FLVCR2: variants seen among roughly 807,000 people sequenced by gnomAD.
The protein encoded by FLVCR2 is FLVCR choline and putative heme transporter 2.
A neutral mutation model predicts 48.9 loss-of-function variants in FLVCR2; 38 were observed. That is an observed-to-expected ratio of 0.78 (90% CI 0.60 to 1.02). The LOEUF (loss-of-function observed/expected upper bound fraction) is 1.02. Among genes scored for constraint, FLVCR2 ranks in the 50% least tolerant of loss-of-function variants. The pLI is 0.00. For synonymous variants in FLVCR2, 255 were observed against 257.0 expected, an observed-to-expected ratio of 0.99 and a Z score of 0.07; for missense variants, 664 against 663.3, an observed-to-expected ratio of 1.00 and a Z score of -0.01.
At chr14:75,640,611 G>A (rs1488790829) in intron 6 of FLVCR2, 1 of 369,430 alleles carries the variant, frequency 2.7e-6, no homozygotes, top group African/African-American at 2.1e-5. Flanking sequence ...CACAGGGCCT[G>A]TGTACCCAGG....
intron 3 of FLVCR2, among the ~76,000 whole-genome samples, chr14:75,626,777 C>T (rs189311892): frequency 6.6e-6 from 1 of 151,986 alleles, no homozygotes; most frequent in Non-Finnish European, 1.5e-5. Context: ...CTCAGGATTC[C>T]ATGACTCTAA....
chr14:75,637,836 C>T (rs1230688402), intron 5 of FLVCR2, among the ~76,000 whole-genome samples: 1 of 151,928 alleles, frequency 6.6e-6, no homozygotes, highest in African/African-American at 2.4e-5. Context: ...TATGCCCTGC[C>T]TTAGGTAGTG....
intron 3 of FLVCR2, chr14:75,631,857 G>C: frequency 2.2e-6 from 1 of 455,972 alleles, no homozygotes; most frequent in South Asian, 1.5e-5. Context: ...TGGGAATGCT[G>C]CTTGAATGAG....
intron 1 of FLVCR2, among the ~76,000 whole-genome samples, chr14:75,606,704 C>T (rs1005671719): frequency 1.3e-5 from 2 of 152,162 alleles, no homozygotes; most frequent in African/African-American, 4.8e-5. Flanking sequence ...ATAATCCCAG[C>T]CCTTTGGGAG....
chr14:75,581,137 G>A (rs1888593367), intron 1 of FLVCR2, among the ~76,000 whole-genome samples: 1 of 152,170 alleles, frequency 6.6e-6, no homozygotes, highest in Non-Finnish European at 1.5e-5. Context: ...GGGGTTGTTA[G>A]AAGAAACATT....
At chr14:75,590,916 C>G (rs938372695) in intron 1 of FLVCR2, among the ~76,000 whole-genome samples, 5 of 152,234 alleles carry the variant, frequency 3.3e-5, no homozygotes, top group Non-Finnish European at 7.3e-5. Flanking sequence ...ACACTTGTTT[C>G]AGCATCAACT....
chr14:75,634,932 G>T lies in FLVCR2; in HGVS notation c.1043G>T (p.Arg348Ile). The change falls in exon 5 of 10, where the codon AGA (arginine) becomes ATA (isoleucine). Residue 348 changes from arginine (R) to isoleucine (I), a missense_variant. Coordinates refer to ENST00000238667, the MANE Select transcript of FLVCR2 (RefSeq NM_017791.3). ...HYPGEEVNAG[R>I]IGLTIVIAGM... The stretch of plus-strand genomic sequence containing the variant: ...CAGGGGGAAGAAGTGAATGCTGGAA[G>T]AATTGGCCTGACGATCGTCATTGCA... 1 of 1,613,930 alleles carries T rather than the reference G, an allele frequency of 6.2e-7. No individual in the cohort carries two copies. Among genetic ancestry groups the T allele is most frequent in the Non-Finnish European group, 8.5e-7 (1 of 1,179,822 alleles).
At chr14:75,581,853 C>T (rs1169033354) in intron 1 of FLVCR2, among the ~76,000 whole-genome samples, 2 of 152,086 alleles carry the variant, frequency 1.3e-5, no homozygotes, top group African/African-American at 2.4e-5. Flanking sequence ...GGATAGATTT[C>T]CATGATGGAA....
Position 75,641,060 on chromosome 14 carries a change from G to A in FLVCR2, c.1341G>A (p.Gln447=). 6.2e-7 allele frequency: 1 copy of A among 1,611,230 alleles called. No individual in the cohort carries two copies. The highest frequency in any genetic ancestry group is 8.5e-7 in the Non-Finnish European group (1 of 1,177,374). ...CCGGCCTCCTCAACATATCTGCACA[G>A]GTAGAGCTCGTATTTCCTGTTTGTT... ...ISSGLLNISA[Q]VFGIIFTISQ... The change falls in exon 7 of 10, where the codon CAG becomes CAA. Residue 447 remains glutamine (Q), a splice_region_variant and synonymous_variant. Transcript: ENST00000238667.
chr14:75,597,908 C>T (rs978924056), intron 1 of FLVCR2, among the ~76,000 whole-genome samples: 4 of 151,872 alleles, frequency 2.6e-5, no homozygotes, highest in Non-Finnish European at 4.4e-5. Context: ...AAATAAGGCT[C>T]GTGATCAGAC....
At chr14:75,605,801 C>G (rs370240449) in intron 1 of FLVCR2, 1 of 620,134 alleles carries the variant, frequency 1.6e-6, no homozygotes, top group Non-Finnish European at 2.8e-6. Flanking sequence ...CTGCCAGCTC[C>G]GGAAAAGAGG....
At chr14:75,642,726 T>C (rs1479959773) in intron 9 of FLVCR2, among the ~76,000 whole-genome samples, 2 of 152,234 alleles carry the variant, frequency 1.3e-5, no homozygotes, top group African/African-American at 4.8e-5. Context: ...TTTGCATTGA[T>C]TGCTGCATGT....
At chr14:75,637,656 G>A (rs530815219) in intron 5 of FLVCR2, among the ~76,000 whole-genome samples, 1 of 151,516 alleles carries the variant, frequency 6.6e-6, no homozygotes, top group African/African-American at 2.4e-5. Flanking sequence ...GTGAACCTGG[G>A]AGGCGGAGCT....
In FLVCR2 at chr14:75,642,094, T is replaced by C; in HGVS notation, c.1509+196T>C. 4.9e-6 allele frequency: 3 copies of C among 612,846 alleles called. No homozygotes were observed. The South Asian group carries it at 5.9e-5, about 12-fold the overall frequency. 38.0% of individuals were successfully genotyped at this position (612,846 alleles called of 1,614,324 possible). On this transcript the variant is annotated intron_variant, in intron 9 of 9. Transcript: ENST00000238667. ...TTTGGCATTGCGTTCTTGCTACTGC[T>C]ACCCTTTCTTGGACTCTTCTCCCAC...
At chr14:75,605,555 G>C in intron 1 of FLVCR2, 1 of 1,535,954 alleles carries the variant, frequency 6.5e-7, no homozygotes, top group Admixed American at 2.0e-5. Context: ...AATTCAAGAC[G>C]CAGCCTTGTC....
chr14:75,613,301 T>C (rs909197337), intron 1 of FLVCR2, among the ~76,000 whole-genome samples: 5 of 151,992 alleles, frequency 3.3e-5, no homozygotes, highest in Non-Finnish European at 5.9e-5. Context: ...CTTCCAATCA[T>C]GGTGAAAGGC....
chr14:75,579,445 C>G lies in FLVCR2; in HGVS notation c.473C>G (p.Ser158Trp), dbSNP rs138495705. Reference protein sequence around the residue: ...FGLRTIALTGSALNCLGAWVK... With the variant: ...FGLRTIALTGWALNCLGAWVK... The stretch of plus-strand genomic sequence containing the variant: ...CTGCGCACCATTGCTCTCACTGGCT[C>G]GGCTCTCAACTGCCTGGGGGCCTGG... Residue 158 changes from serine (S) to tryptophan (W), a missense_variant, in exon 1 of 10, where the codon TCG becomes TGG. By Grantham distance (177) the Ser-to-Trp change is radical. Coordinates refer to ENST00000238667, the MANE Select transcript of FLVCR2 (RefSeq NM_017791.3). The G allele has an allele frequency of 6.2e-7, 1 of 1,613,898 alleles. No homozygotes were observed. Among genetic ancestry groups the G allele is most frequent in the Non-Finnish European group, 8.5e-7 (1 of 1,179,966 alleles).
At position 75,646,583 on chromosome 14, in the gene FLVCR2, T is replaced by C. The variant is rs1353684635; in HGVS notation, c.*111T>C. On this transcript the variant is annotated 3_prime_UTR_variant, in exon 10 of 10. Transcript: ENST00000238667. ...TAGAGATGTTTTTGGAGGGAATCAG[T>C]GGGACTATTTGTGGCATGGATGGCC... 5.1e-5 allele frequency: 40 copies of C among 781,036 alleles called. No individual in the cohort carries two copies. In the East Asian group the frequency reaches 1.1e-3, roughly 21 times the overall value. The allele number at this position is 781,036 out of a possible 1,614,324, so 48.4% of individuals were successfully genotyped here.
chr14:75,625,640 T>C (rs1889883133), intron 3 of FLVCR2, among the ~76,000 whole-genome samples: 1 of 152,052 alleles, frequency 6.6e-6, no homozygotes, highest in Admixed American at 6.5e-5. Flanking sequence ...TTAGCAAATC[T>C]GTGACATGTA....
Sources: allele counts gnomAD v4.1 joint callset (sites outside exome capture counted in the v4.1 genomes callset), GRCh38; gene constraint gnomAD v4.1.1; transcripts MANE v1.5; gene names NCBI Gene and HGNC (gene_info 2026-07-23, HGNC 2026-07-21).